Variants in TMEM132C observed in about 807,000 individuals in gnomAD.
TMEM132C encodes protein phosphatase 1, regulatory subunit 152.
Under a neutral mutation model 61.4 loss-of-function variants are expected in TMEM132C, and 29 were observed. That is an observed-to-expected ratio of 0.47 (90% CI 0.35 to 0.64). TMEM132C has a LOEUF of 0.64. TMEM132C is among the 30% of genes least tolerant of loss of function. The pLI is 0.00. For synonymous variants in TMEM132C, 656 were observed against 633.1 expected (o/e 1.04, Z -0.54); for missense variants, 1,408 against 1,476.9 (o/e 0.95, Z 0.76).
chr12:128,449,966 T>C (rs374816735), intron 2 of TMEM132C, among the ~76,000 whole-genome samples: 1 of 152,200 alleles, frequency 6.6e-6, no homozygotes, highest in African/African-American at 2.4e-5. Flanking sequence ...CCTATGAAGA[T>C]TTGACGATCC....
intron 3 of TMEM132C, among the ~76,000 whole-genome samples, chr12:128,551,395 G>A (rs931915992): frequency 1.6e-4 from 25 of 152,128 alleles, no homozygotes; most frequent in African/African-American, 4.3e-4. Flanking sequence ...TCAGACCCAG[G>A]AAGACAGCTA....
intron 1 of TMEM132C, among the ~76,000 whole-genome samples, chr12:128,386,525 CAG>C (rs1331720773): frequency 1.3e-5 from 2 of 152,258 alleles, no homozygotes; most frequent in African/African-American, 2.4e-5. Flanking sequence ...AGAATTAACT[CAG>C]GGGCAAGAAG....
intron 3 of TMEM132C, among the ~76,000 whole-genome samples, chr12:128,549,742 G>T (rs1344658830): frequency 6.6e-6 from 1 of 152,168 alleles, no homozygotes; most frequent in African/African-American, 2.4e-5. Flanking sequence ...GAGACAAGCA[G>T]TGCTGGCTGT....
intron 1 of TMEM132C, among the ~76,000 whole-genome samples, chr12:128,403,205 A>G (rs1875229057): frequency 6.6e-6 from 1 of 152,188 alleles, no homozygotes. Context: ...GTGTCTGGGG[A>G]ATGTTAATAA....
intron 5 of TMEM132C, among the ~76,000 whole-genome samples, chr12:128,691,471 G>A (rs1318412015): frequency 6.6e-6 from 1 of 152,114 alleles, no homozygotes; most frequent in African/African-American, 2.4e-5. Context: ...CAGTTCATCT[G>A]TCTATCCATC....
At chr12:128,552,119 A>G (rs960455665) in intron 3 of TMEM132C, among the ~76,000 whole-genome samples, 3 of 152,198 alleles carry the variant, frequency 2.0e-5, no homozygotes, top group African/African-American at 4.8e-5. Context: ...CTGCCGCTCC[A>G]CTTCCCACTG....
Position 128,319,906 on chromosome 12 carries a change from A to T in TMEM132C, c.85+52419A>T, listed in dbSNP as rs187924499. ...CATCTTCTTGAACAGACGCGGGATG[A>T]TCTAAGAAAGTCCTGCTCTGTGTGA... On this transcript the variant is annotated intron_variant, in intron 1 of 8. Transcript: ENST00000435159. 2.6e-5 allele frequency among the ~76,000 whole-genome samples: 4 copies of T among 152,018 alleles called. No homozygotes were observed. The East Asian group carries it at 7.8e-4, about 29-fold the overall frequency.
intron 1 of TMEM132C, among the ~76,000 whole-genome samples, chr12:128,293,428 C>T (rs1709694): frequency 0.23 from 35,008 of 152,026 alleles, 4,549 homozygotes; most frequent in East Asian, 0.5. Context: ...CACCACCCAT[C>T]GGGAGGCCAG....
chr12:128,687,819 CTG>C (rs1261104535), intron 5 of TMEM132C, among the ~76,000 whole-genome samples: 4 of 152,130 alleles, frequency 2.6e-5, no homozygotes, highest in African/African-American at 9.7e-5. Flanking sequence ...TGCAAGGACT[CTG>C]TTTCCAAACA....
chr12:128,626,237 G>T (rs778881902), intron 4 of TMEM132C, among the ~76,000 whole-genome samples: 1 of 149,226 alleles, frequency 6.7e-6, no homozygotes, highest in Non-Finnish European at 1.5e-5. Context: ...AGCAATTCTC[G>T]TGCCTCAGCC....
At chr12:128,629,970 TA>T (rs35956352) in intron 4 of TMEM132C, among the ~76,000 whole-genome samples, 2,384 of 134,864 alleles carry the variant, frequency 0.018, 54 homozygotes, top group African/African-American at 0.053. Flanking sequence ...CCGTCTAAAT[TA>T]AAAAAAAAAA....
At chr12:128,306,631 C>T (rs1263255573) in intron 1 of TMEM132C, among the ~76,000 whole-genome samples, 2 of 152,160 alleles carry the variant, frequency 1.3e-5, no homozygotes, top group African/African-American at 4.8e-5. Context: ...ATTTCTGTGG[C>T]AGGTATCTAT....
At chr12:128,678,874 T>C (rs1954613316) in intron 5 of TMEM132C, among the ~76,000 whole-genome samples, 1 of 152,128 alleles carries the variant, frequency 6.6e-6, no homozygotes, top group African/African-American at 2.4e-5. Flanking sequence ...CAGTCTCCTG[T>C]GGGAGGACGC....
chr12:128,592,425 G>A (rs1875785896), intron 3 of TMEM132C, among the ~76,000 whole-genome samples: 1 of 152,238 alleles, frequency 6.6e-6, no homozygotes, highest in African/African-American at 2.4e-5. Flanking sequence ...TCTCAGGAAT[G>A]TGTGTTCAGT....
At chr12:128,419,883 T>G (rs577732982) in intron 2 of TMEM132C, among the ~76,000 whole-genome samples, 46 of 152,136 alleles carry the variant, frequency 3.0e-4, no homozygotes, top group Middle Eastern at 3.4e-3. Flanking sequence ...GATTTCCTAG[T>G]TAGGGGAGAT....
intron 6 of TMEM132C, among the ~76,000 whole-genome samples, chr12:128,694,392 A>T (rs1954741684): frequency 6.6e-6 from 1 of 152,214 alleles, no homozygotes; most frequent in Non-Finnish European, 1.5e-5. Flanking sequence ...ATGCATATCT[A>T]TAAGCTTGAA....
intron 2 of TMEM132C, among the ~76,000 whole-genome samples, chr12:128,427,697 A>G (rs187931598): frequency 6.6e-6 from 1 of 152,202 alleles, no homozygotes; most frequent in African/African-American, 2.4e-5. Flanking sequence ...CTTCCCGTTA[A>G]GGCACTCGGC....
chr12:128,490,747 T>C (rs76983540), intron 2 of TMEM132C, among the ~76,000 whole-genome samples: 1,601 of 152,270 alleles, frequency 0.011, 30 homozygotes, highest in African/African-American at 0.035. Flanking sequence ...TAGCTCTGGC[T>C]CTGTATCAAG....
chr12:128,687,736 G>A (rs1480385156), intron 5 of TMEM132C, among the ~76,000 whole-genome samples: 2 of 152,206 alleles, frequency 1.3e-5, no homozygotes, highest in Non-Finnish European at 2.9e-5. Context: ...GAGCTGAAAA[G>A]GAGATATTAT....
Sources: gnomAD v4.1 joint callset for allele counts (sites outside exome capture counted in the v4.1 genomes callset) on GRCh38, gnomAD v4.1.1 for gene constraint, MANE v1.5 for transcripts, NCBI Gene and HGNC (gene_info 2026-07-23, HGNC 2026-07-21) for gene names.